Variants in FRAS1 observed in about 807,000 individuals in gnomAD.
FRAS1 encodes extracellular matrix organizing protein FRAS1.
In FRAS1, 290 loss-of-function variants were observed where a neutral mutation model predicts 435.2. The observed-to-expected ratio is 0.67, with a 90% CI of 0.61 to 0.73. The LOEUF is 0.73. Ranked by LOEUF, FRAS1 falls within the 30% of genes least tolerant of loss-of-function variation. FRAS1 has a pLI of 0.00. For synonymous variants in FRAS1, 1,800 were observed against 1,851.0 expected, an observed-to-expected ratio of 0.97 and a Z score of 0.71; for missense variants, 4,860 against 5,001.5, an observed-to-expected ratio of 0.97 and a Z score of 0.85.
intron 2 of FRAS1, among the ~76,000 whole-genome samples, chr4:78,168,373 A>G (rs1242151571): frequency 6.6e-6 from 1 of 152,098 alleles, no homozygotes; most frequent in Non-Finnish European, 1.5e-5. Context: ...AAAGAGGACA[A>G]AAGATGTTTT....
At chr4:78,259,958 A>G (rs538422934) in intron 6 of FRAS1, among the ~76,000 whole-genome samples, 13 of 152,322 alleles carry the variant, frequency 8.5e-5, no homozygotes, top group African/African-American at 2.9e-4. Context: ...CATTTATTAA[A>G]TAGGGAATCC....
intron 5 of FRAS1, among the ~76,000 whole-genome samples, chr4:78,252,761 G>A (rs776795633): frequency 2.0e-5 from 3 of 152,138 alleles, no homozygotes; most frequent in Non-Finnish European, 2.9e-5. Flanking sequence ...GATGCCCTCT[G>A]AGCCACAAAA....
At chr4:78,116,000 A>C (rs1161714422) in intron 2 of FRAS1, among the ~76,000 whole-genome samples, 1 of 152,112 alleles carries the variant, frequency 6.6e-6, no homozygotes, top group African/African-American at 2.4e-5. Context: ...CACTGCTTTT[A>C]ATGTGTCCCA....
intron 15 of FRAS1, among the ~76,000 whole-genome samples, chr4:78,312,179 C>CATATATAT (rs10526590): frequency 0.039 from 5,025 of 128,570 alleles, 340 homozygotes; most frequent in African/African-American, 0.13. Context: ...ATCTGAAGTC[C>CATATATAT]ATATATATAT....
intron 2 of FRAS1, among the ~76,000 whole-genome samples, chr4:78,133,745 G>A (rs1173136010): frequency 4.6e-5 from 7 of 152,074 alleles, no homozygotes; most frequent in African/African-American, 1.7e-4. Context: ...GCCAACCTAG[G>A]GCTAAAGGTC....
chr4:78,203,625 G>A (rs1264798671), intron 2 of FRAS1, among the ~76,000 whole-genome samples: 4 of 152,104 alleles, frequency 2.6e-5, no homozygotes, highest in Admixed American at 1.3e-4. Flanking sequence ...GGAGTGCAAT[G>A]GTGTGATCTC....
At chr4:78,358,355 C>G (rs1230416514) in intron 20 of FRAS1, among the ~76,000 whole-genome samples, 1 of 152,146 alleles carries the variant, frequency 6.6e-6, no homozygotes, top group African/African-American at 2.4e-5. Flanking sequence ...GAAACAGTCT[C>G]ATAAATGGCT....
chr4:78,267,326 G>T lies in FRAS1; in HGVS notation c.875G>T (p.Arg292Leu), dbSNP rs183689464. 2 of 1,613,814 alleles carry T rather than the reference G, an allele frequency of 1.2e-6. No homozygotes were observed. Among genetic ancestry groups the T allele is most frequent in the African/African-American group, 1.3e-5 (1 of 75,026 alleles). Residue 292 changes from arginine to leucine, a missense_variant, in exon 9 of 74, where the codon CGG becomes CTG. Coordinates refer to ENST00000512123, the MANE Select transcript of FRAS1 (RefSeq NM_025074.7). ...AGSCSYDGVV[R>L]YQDEMWKGSA... ...AGCTGCTCCTATGATGGAGTTGTGCGGTACCAGGACGAAATGTGGAAGGGC... is the reference window on the plus strand; with the variant it reads ...AGCTGCTCCTATGATGGAGTTGTGCTGTACCAGGACGAAATGTGGAAGGGC...
At chr4:78,195,188 G>T (rs1039719727) in intron 2 of FRAS1, among the ~76,000 whole-genome samples, 4 of 152,220 alleles carry the variant, frequency 2.6e-5, no homozygotes, top group African/African-American at 9.6e-5. Context: ...CCCTACTAGG[G>T]GGTGCCTCGC....
intron 2 of FRAS1, among the ~76,000 whole-genome samples, chr4:78,081,221 T>C (rs1740878860): frequency 6.6e-6 from 1 of 152,140 alleles, no homozygotes; most frequent in Non-Finnish European, 1.5e-5. Flanking sequence ...ATTGGCCTCG[T>C]GGAAATCTAG....
chr4:78,305,961 T>A (rs1464394808), intron 14 of FRAS1, among the ~76,000 whole-genome samples: 1 of 152,166 alleles, frequency 6.6e-6, no homozygotes, highest in Non-Finnish European at 1.5e-5. Flanking sequence ...TTAGTCTCGA[T>A]GGTCTTTACA....
chr4:78,410,964 C>T (rs556769552), intron 31 of FRAS1, among the ~76,000 whole-genome samples: 25 of 152,288 alleles, frequency 1.6e-4, no homozygotes, highest in Middle Eastern at 3.4e-3. Flanking sequence ...TAGGTGCTAA[C>T]GTAAGTGGTT....
chr4:78,481,334 T>G (rs937838876), intron 56 of FRAS1, among the ~76,000 whole-genome samples: 2 of 152,200 alleles, frequency 1.3e-5, no homozygotes, highest in South Asian at 2.1e-4. Context: ...TTAGGAACAT[T>G]TAATTAGAAA....
At chr4:78,344,890 C>T (rs1408722432) in intron 20 of FRAS1, among the ~76,000 whole-genome samples, 2 of 152,170 alleles carry the variant, frequency 1.3e-5, no homozygotes, top group Admixed American at 6.5e-5. Flanking sequence ...TACATACATA[C>T]GTGCATTGTT....
At chr4:78,478,596 C>CATG (rs1578348283) in intron 55 of FRAS1, among the ~76,000 whole-genome samples, 2 of 152,158 alleles carry the variant, frequency 1.3e-5, no homozygotes, top group East Asian at 3.9e-4. Context: ...AAGGGCAATT[C>CATG]TTGAGGAGTT....
intron 55 of FRAS1, 95 bp downstream of exon 55, chr4:78,478,156 T>G (rs1325952958): frequency 7.6e-7 from 1 of 1,321,716 alleles, no homozygotes; most frequent in Non-Finnish European, 1.0e-6. Flanking sequence ...TGCATTATCT[T>G]AACTCACATG....
At chr4:78,225,594 A>G (rs919407708) in intron 2 of FRAS1, among the ~76,000 whole-genome samples, 1 of 152,182 alleles carries the variant, frequency 6.6e-6, no homozygotes, top group African/African-American at 2.4e-5. Context: ...TCAAGAGCAG[A>G]TGTAAAGGAC....
chr4:78,156,561 A>G (rs1423930899), intron 2 of FRAS1, among the ~76,000 whole-genome samples: 3 of 152,058 alleles, frequency 2.0e-5, no homozygotes, highest in Non-Finnish European at 4.4e-5. Context: ...AGGTTATTTT[A>G]GTTGTGAGTA....
At chr4:78,407,348 T>C (rs904235334) in intron 30 of FRAS1, among the ~76,000 whole-genome samples, 1 of 152,192 alleles carries the variant, frequency 6.6e-6, no homozygotes, top group Non-Finnish European at 1.5e-5. Context: ...ATTTGAGTAT[T>C]TGTCTATAGT....
Sources: allele counts gnomAD v4.1 joint callset (sites outside exome capture counted in the v4.1 genomes callset), GRCh38; gene constraint gnomAD v4.1.1; transcripts MANE v1.5; gene names NCBI Gene and HGNC (gene_info 2026-07-23, HGNC 2026-07-21).